Variants in PRKCB observed in about 807,000 individuals in gnomAD.
The protein encoded by PRKCB is protein kinase C beta, also known as protein kinase C beta type.
A neutral mutation model predicts 81.5 loss-of-function variants in PRKCB; 13 were observed. That is an observed-to-expected ratio of 0.16 (90% CI 0.10 to 0.25). PRKCB has a LOEUF of 0.25. Among genes scored for constraint, PRKCB ranks in the 10% least tolerant of loss-of-function variants. PRKCB has a pLI of 1.00. For synonymous variants in PRKCB, 335 were observed against 321.4 expected, an observed-to-expected ratio of 1.04 and a Z score of -0.45; for missense variants, 509 against 875.7, an observed-to-expected ratio of 0.58 and a Z score of 5.29.
chr16:24,007,488 A>G (rs1042336570), intron 3 of PRKCB, among the ~76,000 whole-genome samples: 2 of 152,214 alleles, frequency 1.3e-5, no homozygotes, highest in Admixed American at 6.5e-5. Flanking sequence ...TTCTGCTCTC[A>G]TTTGCCACGG....
At chr16:24,006,028 C>T (rs1443225370) in intron 3 of PRKCB, among the ~76,000 whole-genome samples, 4 of 152,288 alleles carry the variant, frequency 2.6e-5, no homozygotes, top group South Asian at 2.1e-4. Context: ...ATGTCAGGGG[C>T]AATTTAGTCT....
chr16:23,959,739 C>T (rs1345342286), intron 2 of PRKCB, among the ~76,000 whole-genome samples: 3 of 152,156 alleles, frequency 2.0e-5, no homozygotes, highest in Non-Finnish European at 4.4e-5. Context: ...TGAAATCACT[C>T]CCCCAGAAGG....
intron 7 of PRKCB, among the ~76,000 whole-genome samples, chr16:24,096,652 C>CAAAAAAAAAAAAAAAA (rs1219127854): frequency 4.8e-5 from 2 of 41,822 alleles, no homozygotes; most frequent in African/African-American, 9.1e-5. Context: ...CTTCCTATGG[C>CAAAAAAAAAAAAAAAA]AAAAAAAAAA....
At chr16:23,974,899 G>A (rs1365355452) in intron 2 of PRKCB, among the ~76,000 whole-genome samples, 2 of 152,122 alleles carry the variant, frequency 1.3e-5, no homozygotes, top group African/African-American at 4.8e-5. Flanking sequence ...GCTGTTTTCT[G>A]TCCTTGTCCC....
chr16:23,843,574 A>G (rs1414212635), intron 2 of PRKCB, among the ~76,000 whole-genome samples: 2 of 152,128 alleles, frequency 1.3e-5, no homozygotes, highest in African/African-American at 4.8e-5. Context: ...TTCATTTTTC[A>G]CTGTAGAGCA....
At chr16:23,870,831 A>G (rs1962890403) in intron 2 of PRKCB, among the ~76,000 whole-genome samples, 1 of 152,184 alleles carries the variant, frequency 6.6e-6, no homozygotes, top group East Asian at 1.9e-4. Context: ...TCTACAGATC[A>G]GCTGGGCAAT....
chr16:23,845,379 A>G (rs575079254), intron 2 of PRKCB, among the ~76,000 whole-genome samples: 2 of 152,274 alleles, frequency 1.3e-5, no homozygotes, highest in South Asian at 4.1e-4. Context: ...TTAAAAAAAA[A>G]AAGCCCAACT....
At chr16:23,997,118 A>T (rs776136300) in intron 3 of PRKCB, among the ~76,000 whole-genome samples, 4 of 152,210 alleles carry the variant, frequency 2.6e-5, no homozygotes, top group Non-Finnish European at 5.9e-5. Context: ...CAATGATTCT[A>T]TTGATAGTTA....
chr16:24,021,036 CTTTCTCTT>C (rs1267527351), intron 3 of PRKCB, among the ~76,000 whole-genome samples: 6 of 138,680 alleles, frequency 4.3e-5, no homozygotes, highest in African/African-American at 1.4e-4. Flanking sequence ...TTCTTTCTTT[CTTTCTCTT>C]TCTTTCTTTC....
chr16:23,887,469 A>G (rs1486964621), intron 2 of PRKCB, among the ~76,000 whole-genome samples: 1 of 152,138 alleles, frequency 6.6e-6, no homozygotes, highest in Non-Finnish European at 1.5e-5. Context: ...TTTTTCTGTG[A>G]TAATTCACTT....
At chr16:23,987,596 C>A (rs1461813539) in intron 2 of PRKCB, among the ~76,000 whole-genome samples, 1 of 152,138 alleles carries the variant, frequency 6.6e-6, no homozygotes, top group African/African-American at 2.4e-5. Context: ...GTGACCTTAG[C>A]AACCATAGAT....
At chr16:24,164,191 C>T (rs1379138140) in intron 10 of PRKCB, among the ~76,000 whole-genome samples, 1 of 152,196 alleles carries the variant, frequency 6.6e-6, no homozygotes, top group Non-Finnish European at 1.5e-5. Flanking sequence ...ACTCCACTTT[C>T]AGCTGTCTTA....
At chr16:23,989,079 G>C (rs1466219488) in intron 3 of PRKCB, among the ~76,000 whole-genome samples, 1 of 152,106 alleles carries the variant, frequency 6.6e-6, no homozygotes, top group Non-Finnish European at 1.5e-5. Flanking sequence ...TCCTGCCTCA[G>C]CCTCCCGAGG....
rs1964116074 is a variant in PRKCB at position 23,939,878 on chromosome 16, T to C, written c.206-48630T>C. Among the ~76,000 whole-genome samples the C allele has an allele frequency of 2.0e-5, 3 of 152,226 alleles. 1 individual carries two copies. The South Asian group carries it at 6.2e-4, about 31-fold the overall frequency. On this transcript the variant is annotated intron_variant, in intron 2 of 16. Coordinates refer to ENST00000643927, the MANE Select transcript of PRKCB (RefSeq NM_002738.7). ...GGACTTCATCGAAACTAAACGCTAT[T>C]GTTCTGCAAAACGCTGTTGAGAGAA...
chr16:23,934,109 T>G (rs566896685), intron 2 of PRKCB, among the ~76,000 whole-genome samples: 1 of 152,126 alleles, frequency 6.6e-6, no homozygotes, highest in East Asian at 1.9e-4. Flanking sequence ...GAGGATTTCC[T>G]TCCTGGACTT....
chr16:23,867,975 T>G (rs1375499853), intron 2 of PRKCB, among the ~76,000 whole-genome samples: 1 of 48,512 alleles, frequency 2.1e-5, no homozygotes, highest in Non-Finnish European at 3.6e-5. Context: ...GCTAAAAGCA[T>G]CCATCACACA....
chr16:23,922,563 T>C (rs1306683673), intron 2 of PRKCB, among the ~76,000 whole-genome samples: 2 of 152,208 alleles, frequency 1.3e-5, no homozygotes, highest in Non-Finnish European at 2.9e-5. Context: ...GATGATAGCA[T>C]GTGAAAGAGC....
At chr16:23,953,174 CT>C (rs763287501) in intron 2 of PRKCB, among the ~76,000 whole-genome samples, 11 of 152,148 alleles carry the variant, frequency 7.2e-5, no homozygotes, top group Non-Finnish European at 1.2e-4. Context: ...GCAGAGCCCC[CT>C]GACTCTGTTC....
intron 3 of PRKCB, among the ~76,000 whole-genome samples, chr16:24,017,892 A>ATTTTTT (rs35809970): frequency 2.8e-4 from 32 of 113,248 alleles, no homozygotes; most frequent in African/African-American, 1.0e-3. Flanking sequence ...ACCATAACTA[A>ATTTTTT]TTTTTTTTTT....
Sources: gnomAD v4.1 joint callset for allele counts (sites outside exome capture counted in the v4.1 genomes callset) on GRCh38, gnomAD v4.1.1 for gene constraint, MANE v1.5 for transcripts, NCBI Gene and HGNC (gene_info 2026-07-23, HGNC 2026-07-21) for gene names.